PDE8A: variants seen among roughly 807,000 people sequenced by gnomAD.
PDE8A encodes high affinity cAMP-specific and IBMX-insensitive 3',5'-cyclic phosphodiesterase 8A.
A neutral mutation model predicts 105.0 loss-of-function variants in PDE8A; 59 were observed. The observed-to-expected ratio is 0.56, with a 90% CI of 0.46 to 0.70. PDE8A has a LOEUF of 0.70. PDE8A is among the 30% of genes least tolerant of loss of function. PDE8A has a pLI of 0.00. For missense variants in PDE8A, 1,014 were observed against 1,045.9 expected, an observed-to-expected ratio of 0.97 and a Z score of 0.42; for synonymous variants, 355 against 371.9, an observed-to-expected ratio of 0.95 and a Z score of 0.52.
chr15:85,115,342 C>G, intron 14 of PDE8A, 97 bp from the exon 15 acceptor site: 1 of 742,376 alleles, frequency 1.3e-6, no homozygotes, highest in Non-Finnish European at 2.3e-6. Context: ...GTGGAGAGGG[C>G]TGCCCTGAGT....
intron 1 of PDE8A, among the ~76,000 whole-genome samples, chr15:85,016,593 C>G (rs906972653): frequency 6.6e-6 from 1 of 152,224 alleles, no homozygotes; most frequent in African/African-American, 2.4e-5. Context: ...CTATTCCTCT[C>G]TCTTTTCTTT....
At chr15:85,094,246 G>A (rs1053703473) in intron 8 of PDE8A, among the ~76,000 whole-genome samples, 1 of 151,926 alleles carries the variant, frequency 6.6e-6, no homozygotes, top group African/African-American at 2.4e-5. Context: ...CCAAGTAAAT[G>A]GTGGCTACTT....
chr15:85,074,687 G>A (rs184701055), intron 3 of PDE8A, among the ~76,000 whole-genome samples: 7 of 152,336 alleles, frequency 4.6e-5, no homozygotes, highest in Non-Finnish European at 2.9e-5. Context: ...AAAGATGGGG[G>A]CATCCATCGT....
At chr15:85,100,401 T>TGGGG (rs1409616203) in intron 11 of PDE8A, 1 of 588,234 alleles carries the variant, frequency 1.7e-6, no homozygotes, top group Admixed American at 3.3e-5. Flanking sequence ...ATGGGTGCCC[T>TGGGG]GGGGCGGGTC....
At chr15:84,995,271 T>G (rs2079956946) in intron 1 of PDE8A, among the ~76,000 whole-genome samples, 1 of 152,110 alleles carries the variant, frequency 6.6e-6, no homozygotes, top group Admixed American at 6.6e-5. Flanking sequence ...ACAGATTAGT[T>G]TTGCCTGTTC....
chr15:85,071,796 A>C (rs62019482), intron 3 of PDE8A, among the ~76,000 whole-genome samples: 31,480 of 152,156 alleles, frequency 0.21, 4,302 homozygotes, highest in Middle Eastern at 0.33. Context: ...GGGGTGTGTA[A>C]ACAGGATGAG....
intron 1 of PDE8A, among the ~76,000 whole-genome samples, chr15:85,043,265 A>C (rs1243805168): frequency 6.6e-6 from 1 of 152,230 alleles, no homozygotes. Context: ...AGTTAAATAA[A>C]TAGCACTGAG....
intron 20 of PDE8A, among the ~76,000 whole-genome samples, chr15:85,130,539 C>G (rs1394409640): frequency 6.6e-6 from 1 of 152,110 alleles, no homozygotes; most frequent in Non-Finnish European, 1.5e-5. Context: ...AAAATGTATA[C>G]TCTACTGTTG....
intron 1 of PDE8A, among the ~76,000 whole-genome samples, chr15:84,999,196 C>T (rs2080026553): frequency 6.6e-6 from 1 of 150,588 alleles, no homozygotes; most frequent in Non-Finnish European, 1.5e-5. Flanking sequence ...TCTTGACTCA[C>T]TGCAACCTCT....
intron 1 of PDE8A, among the ~76,000 whole-genome samples, chr15:85,052,222 T>C (rs1230994450): frequency 6.6e-6 from 1 of 152,262 alleles, no homozygotes; most frequent in Admixed American, 6.5e-5. Flanking sequence ...CAGTCTATCA[T>C]TGATGGGCAT....
At chr15:85,124,581 G>A (rs888067449) in intron 19 of PDE8A, among the ~76,000 whole-genome samples, 1 of 152,046 alleles carries the variant, frequency 6.6e-6, no homozygotes, top group Non-Finnish European at 1.5e-5. Context: ...GCCTTTGTCT[G>A]CCCCCTGGTT....
At position 85,054,448 on chromosome 15, in the gene PDE8A, C is replaced by T. The variant is rs148912221; in HGVS notation, c.187-9922C>T. ...AATTCAGCTGTGAATCCATCAGGTACGGGACTTTTTTTGGTTGGTAGGCTA... is the reference window on the plus strand; with the variant it reads ...AATTCAGCTGTGAATCCATCAGGTATGGGACTTTTTTTGGTTGGTAGGCTA... On this transcript the variant is annotated intron_variant, in intron 1 of 21. Coordinates refer to ENST00000394553, the MANE Select transcript of PDE8A (RefSeq NM_002605.3). 5.9e-5 allele frequency among the ~76,000 whole-genome samples: 9 copies of T among 152,214 alleles called. No homozygotes were observed. In the East Asian group the frequency reaches 7.7e-4, roughly 13 times the overall value.
At position 85,128,758 on chromosome 15, in the gene PDE8A, A is replaced by T. The variant is rs560345899; in HGVS notation, c.2253+2384A>T. On this transcript the variant is annotated intron_variant, in intron 20 of 21. Coordinates refer to ENST00000394553, the MANE Select transcript of PDE8A (RefSeq NM_002605.3). The stretch of plus-strand genomic sequence containing the variant: ...ACTTCCCCAAAGAAGCTATTATGAA[A>T]AGCCAATAAGCACATGAAAAAAGTG... Among the ~76,000 whole-genome samples the T allele has an allele frequency of 3.2e-4, 48 of 152,342 alleles. No homozygotes were observed. In the South Asian group the frequency reaches 6.4e-3, roughly 20 times the overall value.
At chr15:85,126,498 G>GGTAACCTT in intron 20 of PDE8A, 124 bp downstream of exon 20, 2 of 585,384 alleles carry the variant, frequency 3.4e-6, no homozygotes, top group Non-Finnish European at 5.3e-6. Context: ...TGTTTTGCAA[G>GGTAACCTT]GTAACAAATG....
intron 19 of PDE8A, among the ~76,000 whole-genome samples, chr15:85,123,919 A>G (rs1255289350): frequency 2.0e-5 from 3 of 152,268 alleles, no homozygotes; most frequent in South Asian, 4.1e-4. Flanking sequence ...CTATTCCTGC[A>G]CCCTTCCTCA....
intron 1 of PDE8A, among the ~76,000 whole-genome samples, chr15:85,028,515 A>G (rs2080556735): frequency 6.6e-6 from 1 of 152,296 alleles, no homozygotes; most frequent in African/African-American, 2.4e-5. Context: ...ACGCCCGCCC[A>G]GCATGGACAT....
chr15:85,006,579 AT>A (rs1192772476), intron 1 of PDE8A, among the ~76,000 whole-genome samples: 1 of 152,032 alleles, frequency 6.6e-6, no homozygotes, highest in East Asian at 1.9e-4. Context: ...ACCATTTGTA[AT>A]TTTTTTTATA....
At chr15:85,120,757 A>G (rs2082167966) in intron 17 of PDE8A, 40 bp from the exon 18 acceptor site, 2 of 1,280,406 alleles carry the variant, frequency 1.6e-6, no homozygotes, top group South Asian at 2.7e-5. Context: ...CCTTGCCTTC[A>G]GTGTCATACC....
rs551252310 is a variant in PDE8A, at chr15:85,066,922, G to T, written c.244-92G>T. 216 of 948,248 alleles carry T rather than the reference G, an allele frequency of 2.3e-4. 1 individual carries two copies. The African/African-American group carries it at 3.4e-3, about 15-fold the overall frequency. The allele number at this position is 948,248 out of a possible 1,614,324, so 58.7% of individuals were successfully genotyped here. A position where few individuals can be genotyped will look rare whatever the true frequency, so the allele number is the denominator to read the frequency against. ...CCATTACACTCCAGCCTGAGCAACA[G>T]AGCAAGACTCTGTCTCAAGAAAAAA... On this transcript the variant is annotated intron_variant, in intron 2 of 21. Transcript: ENST00000394553.
Sources: gnomAD v4.1 joint callset for allele counts (sites outside exome capture counted in the v4.1 genomes callset) on GRCh38, gnomAD v4.1.1 for gene constraint, MANE v1.5 for transcripts, NCBI Gene and HGNC (gene_info 2026-07-23, HGNC 2026-07-21) for gene names.